AGBL4: variants seen among roughly 807,000 people sequenced by gnomAD.
The protein encoded by AGBL4 is cytosolic carboxypeptidase 6.
AGBL4 carries 58 observed loss-of-function variants against 66.4 expected under a neutral mutation model. That is an observed-to-expected ratio of 0.87 (90% confidence interval 0.71 to 1.09). The LOEUF is 1.09. Ranked by LOEUF, AGBL4 falls within the 50% of genes least tolerant of loss-of-function variation. AGBL4 has a pLI of 0.00. For synonymous variants in AGBL4, 234 were observed against 222.9 expected, an observed-to-expected ratio of 1.05 and a Z score of -0.44; for missense variants, 579 against 631.0, an observed-to-expected ratio of 0.92 and a Z score of 0.88.
At chr1:49,576,512 T>G (rs1426461614) in intron 3 of AGBL4, among the ~76,000 whole-genome samples, 1 of 152,214 alleles carries the variant, frequency 6.6e-6, no homozygotes, top group African/African-American at 2.4e-5. Context: ...GCTATTTGGC[T>G]TGTTACTGGG....
chr1:49,282,245 A>G (rs1414713717), intron 3 of AGBL4, among the ~76,000 whole-genome samples: 1 of 152,226 alleles, frequency 6.6e-6, no homozygotes, highest in Non-Finnish European at 1.5e-5. Context: ...TATGTCTTAC[A>G]GGAAGAATGA....
intron 6 of AGBL4, among the ~76,000 whole-genome samples, chr1:48,816,079 GTGT>G (rs1646168560): frequency 6.7e-6 from 1 of 150,086 alleles, no homozygotes. Flanking sequence ...GTGTGTGTGT[GTGT>G]GTGTGTGTGT....
intron 3 of AGBL4, among the ~76,000 whole-genome samples, chr1:49,506,118 T>C (rs1050969427): frequency 6.6e-6 from 1 of 152,012 alleles, no homozygotes; most frequent in African/African-American, 2.4e-5. Context: ...ATTTAGTGTA[T>C]GTGTAACATC....
At chr1:49,402,033 A>G (rs1363828427) in intron 3 of AGBL4, among the ~76,000 whole-genome samples, 2 of 152,056 alleles carry the variant, frequency 1.3e-5, no homozygotes, top group Non-Finnish European at 2.9e-5. Flanking sequence ...CTCTTTTATC[A>G]TCTCTGATTT....
intron 9 of AGBL4, among the ~76,000 whole-genome samples, chr1:48,591,340 AC>A (rs1297484014): frequency 1.6e-4 from 25 of 152,134 alleles, no homozygotes; most frequent in Admixed American, 1.6e-3. Context: ...CACATTCATG[AC>A]TAGACATTCG....
At chr1:49,079,831 CA>C (rs1204202643) in intron 4 of AGBL4, among the ~76,000 whole-genome samples, 3 of 152,186 alleles carry the variant, frequency 2.0e-5, no homozygotes, top group Non-Finnish European at 4.4e-5. Flanking sequence ...AAGTAGCACC[CA>C]CCTTGGGCTT....
At chr1:49,495,796 T>C (rs1395797395) in intron 3 of AGBL4, among the ~76,000 whole-genome samples, 2 of 152,036 alleles carry the variant, frequency 1.3e-5, no homozygotes, top group Non-Finnish European at 2.9e-5. Context: ...TGTTCACATT[T>C]TGGGGAGTAA....
rs138732813 is a variant in AGBL4 at position 49,367,458 on chromosome 1, T to A, written c.283-121594A>T. Among the ~76,000 whole-genome samples, 428 of 152,360 alleles carry A rather than the reference T, an allele frequency of 2.8e-3. 1 individual carries two copies. The highest frequency in any genetic ancestry group is 3.6e-3 in the Non-Finnish European group (243 of 68,036). On this transcript the variant is annotated intron_variant, in intron 3 of 13. Transcript: ENST00000371839. ...TCCTGAGGTCCTGACCAGAAGTACA[T>A]GTTTGTGCTATGCTTCATGTATAGC...
chr1:48,752,019 A>G (rs1340965379), intron 6 of AGBL4, among the ~76,000 whole-genome samples: 2 of 152,224 alleles, frequency 1.3e-5, no homozygotes, highest in Admixed American at 1.3e-4. Flanking sequence ...TCCACTTCTT[A>G]TTACTAGGTC....
chr1:49,237,923 T>C (rs1189137456), intron 4 of AGBL4, among the ~76,000 whole-genome samples: 2 of 152,118 alleles, frequency 1.3e-5, no homozygotes, highest in African/African-American at 4.8e-5. Context: ...TTATTTTATC[T>C]AGAATGTCTT....
chr1:49,948,578 T>TAG lies in AGBL4; in HGVS notation c.34+75184_34+75185insCT, dbSNP rs1343530781. On this transcript the variant is annotated intron_variant, in intron 1 of 13. Transcript: ENST00000371839. ...AAATATATAAAAATATATATATATATATATAGAGAGAGAGAGAGAGAGAGA... is the reference window on the plus strand; with the variant it reads ...AAATATATAAAAATATATATATATATAGATATAGAGAGAGAGAGAGAGAGAGA... Among the ~76,000 whole-genome samples the TAG allele has an allele frequency of 2.6e-3, 327 of 126,458 alleles. 2 individuals are homozygous for TAG. The highest frequency in any genetic ancestry group is 8.1e-3 in the African/African-American group (265 of 32,832). The allele number at this position is 126,458 out of a possible 152,430, so 83.0% of individuals were successfully genotyped here. A position where few individuals can be genotyped will look rare whatever the true frequency, so the allele number is the denominator to read the frequency against.
intron 6 of AGBL4, among the ~76,000 whole-genome samples, chr1:48,757,969 T>C (rs944231597): frequency 2.0e-5 from 3 of 152,178 alleles, no homozygotes; most frequent in African/African-American, 7.2e-5. Flanking sequence ...TCTGGATTCT[T>C]ATATTCTAAA....
At position 49,523,860 on chromosome 1, in the gene AGBL4, C is replaced by T. The variant is rs1264753986; in HGVS notation, c.282+173453G>A. On this transcript the variant is annotated intron_variant, in intron 3 of 13. Coordinates refer to ENST00000371839, the MANE Select transcript of AGBL4 (RefSeq NM_032785.4). ...CTAAGTGGGTAGGGTTCATGCCTGTCTTTCCAATATCTATACCCACAATGG... is the reference window on the plus strand; with the variant it reads ...CTAAGTGGGTAGGGTTCATGCCTGTTTTTCCAATATCTATACCCACAATGG... Among the ~76,000 whole-genome samples the T allele has an allele frequency of 1.3e-5, 2 of 152,100 alleles. 1 individual carries two copies. Among genetic ancestry groups the T allele is most frequent in the Non-Finnish European group, 2.9e-5 (2 of 67,994 alleles).
At chr1:48,893,886 A>G (rs1210719635) in intron 5 of AGBL4, among the ~76,000 whole-genome samples, 1 of 152,052 alleles carries the variant, frequency 6.6e-6, no homozygotes, top group Non-Finnish European at 1.5e-5. Context: ...TCCATTGTCT[A>G]CAAGCCACCC....
At chr1:49,566,532 T>C (rs1644209292) in intron 3 of AGBL4, among the ~76,000 whole-genome samples, 1 of 152,238 alleles carries the variant, frequency 6.6e-6, no homozygotes, top group Non-Finnish European at 1.5e-5. Context: ...GAACCTCAGC[T>C]GCAGGTCTGT....
At chr1:49,949,162 CTCATCTCTCATCTTATACAAAAAAA>C (rs1435602368) in intron 1 of AGBL4, among the ~76,000 whole-genome samples, 3 of 151,574 alleles carry the variant, frequency 2.0e-5, no homozygotes, top group Non-Finnish European at 4.4e-5. Flanking sequence ...AAACTGGATC[CTCATCTCTCATCTTATACAAAAAAA>C]TCATCTCTCA....
chr1:49,010,176 C>G (rs1662275776), intron 5 of AGBL4, among the ~76,000 whole-genome samples: 2 of 151,772 alleles, frequency 1.3e-5, no homozygotes, highest in Non-Finnish European at 2.9e-5. Context: ...GCAACTTCAG[C>G]AAAGTCTCAG....
At chr1:48,938,610 C>T (rs1655678916) in intron 5 of AGBL4, among the ~76,000 whole-genome samples, 1 of 152,140 alleles carries the variant, frequency 6.6e-6, no homozygotes, top group African/African-American at 2.4e-5. Context: ...GATATTAGGG[C>T]ATCTTTCAGA....
intron 3 of AGBL4, among the ~76,000 whole-genome samples, chr1:49,632,167 G>C (rs1571213290): frequency 1.3e-5 from 2 of 152,252 alleles, no homozygotes; most frequent in African/African-American, 4.8e-5. Context: ...TTAAATTTAG[G>C]GTTGAGAGAG....
Sources: gnomAD v4.1 joint callset for allele counts (sites outside exome capture counted in the v4.1 genomes callset) on GRCh38, gnomAD v4.1.1 for gene constraint, MANE v1.5 for transcripts, NCBI Gene and HGNC (gene_info 2026-07-23, HGNC 2026-07-21) for gene names.